Variants in ADGRG4 observed in about 807,000 individuals in gnomAD.
ADGRG4 encodes the protein adhesion G protein-coupled receptor G4.
ADGRG4 carries 122 observed loss-of-function variants against 126.2 expected under a neutral mutation model. That is an observed-to-expected ratio of 0.97 (90% CI 0.83 to 1.12). The LOEUF (loss-of-function observed/expected upper bound fraction) is 1.12, where lower values mean the gene tolerates loss of function less well. Among genes scored for constraint, ADGRG4 ranks in the 50% most tolerant of loss-of-function variants. The pLI, the probability that ADGRG4 is intolerant of heterozygous loss-of-function variation, is 0.00. For missense variants in ADGRG4, 2,481 were observed against 2,251.8 expected, an observed-to-expected ratio of 1.10 and a Z score of -2.06; for synonymous variants, 943 against 838.7, an observed-to-expected ratio of 1.12 and a Z score of -2.15.
chrX:136,333,138 G>T (rs1163907494), intron 5 of ADGRG4, among the ~76,000 whole-genome samples: 1 of 111,624 alleles, frequency 9.0e-6, no homozygotes, highest in Non-Finnish European at 1.9e-5. Context: ...CTAGCCATAT[G>T]TAGAAAGCTG....
rs757107875 is a variant in ADGRG4, at chrX:136,395,388, A to C, written c.8081-2A>C. On this transcript the variant is annotated splice_acceptor_variant, in intron 18 of 25. Coordinates refer to ENST00000394143, the MANE Select transcript of ADGRG4 (RefSeq NM_153834.4). LOFTEE classifies it high-confidence loss of function. Reference sequence around the variant, plus strand: ...TTTGAAATTTCCTTCTGTCTCCTACAGATGGGCTGGGTGGATGGAATTCGT... The same window carrying C: ...TTTGAAATTTCCTTCTGTCTCCTACCGATGGGCTGGGTGGATGGAATTCGT... 26 of 1,173,311 alleles carry C rather than the reference A, an allele frequency of 2.2e-5. No individual in the cohort carries two copies. The highest frequency in any genetic ancestry group is 2.9e-5 in the Non-Finnish European group (25 of 863,262).
At chrX:136,374,385 AGGAAT>A (rs751319853) in intron 15 of ADGRG4, among the ~76,000 whole-genome samples, 5 of 111,328 alleles carry the variant, frequency 4.5e-5, no homozygotes, top group Non-Finnish European at 9.4e-5. Context: ...ATAAATACCT[AGGAAT>A]GGAATTGCTG....
Position 136,412,311 on chromosome X carries a change from G to A in ADGRG4, c.8982G>A (p.Arg2994=). The A allele has an allele frequency of 8.3e-7, 1 of 1,204,739 alleles. No individual in the cohort carries two copies. Among genetic ancestry groups the A allele is most frequent in the South Asian group, 1.8e-5 (1 of 56,785 alleles). The change falls in exon 24 of 26, where the codon CGG becomes CGA. Residue 2994 remains arginine (R), a synonymous_variant. Coordinates refer to ENST00000394143, the MANE Select transcript of ADGRG4 (RefSeq NM_153834.4). ...ACTGTGTGATGAAGGAGAGTGTGCG[G>A]GAGCAGTGGCAGATACACCTCTGCT... ...VFHCVMKESV[R]EQWQIHLCCG...
At chrX:136,318,596 C>T (rs1161078938) in intron 4 of ADGRG4, among the ~76,000 whole-genome samples, 1 of 111,613 alleles carries the variant, frequency 9.0e-6, no homozygotes, top group Non-Finnish European at 1.9e-5. Context: ...AGGGTAGTAA[C>T]AGCCATTTAA....
rs774881230 is a variant in ADGRG4, at chrX:136,359,409, A to G, written c.7098A>G (p.Gln2366=). 64 of 1,206,599 alleles carry G rather than the reference A, an allele frequency of 5.3e-5. No individual in the cohort carries two copies. Among genetic ancestry groups the G allele is most frequent in the Non-Finnish European group, 6.8e-5 (61 of 893,588 alleles). ...CACATGGAAACTTCACACAAGATCA[A>G]TTGACGTTATTAGTAAACTGTGAAC... ...NFTHGNFTQD[Q]LTLLVNCEHV... Residue 2366 remains glutamine, a synonymous_variant, in exon 11 of 26, where the codon CAA becomes CAG. Coordinates refer to ENST00000394143, the MANE Select transcript of ADGRG4 (RefSeq NM_153834.4).
At chrX:136,402,408 T>C (rs2075383994) in intron 21 of ADGRG4, among the ~76,000 whole-genome samples, 1 of 111,085 alleles carries the variant, frequency 9.0e-6, no homozygotes, top group Non-Finnish European at 1.9e-5. Flanking sequence ...TCTGCAGCAT[T>C]CTAGGTGCTG....
chrX:136,350,142 C>A lies in ADGRG4; in HGVS notation c.6436C>A (p.Pro2146Thr). 1 of 1,209,729 alleles carries A rather than the reference C, an allele frequency of 8.3e-7. No homozygotes were observed. Residue 2146 changes from proline (P) to threonine (T), a missense_variant, in exon 6 of 26, where the codon CCT (proline) becomes ACT (threonine). Coordinates refer to ENST00000394143, the MANE Select transcript of ADGRG4 (RefSeq NM_153834.4). ...TDHTLSVGAM[P>T]LPSSTITSSW... ...CCACACTCTATCTGTTGGTGCCATG[C>A]CTCTGCCTAGCTCTACAATAACATC...
intron 15 of ADGRG4, among the ~76,000 whole-genome samples, chrX:136,379,039 G>A: frequency 8.9e-6 from 1 of 111,767 alleles, no homozygotes; most frequent in East Asian, 2.8e-4. Context: ...TCTACTTTCA[G>A]AAAGAGTTTG....
At chrX:136,361,777 A>G (rs774135601) in intron 12 of ADGRG4, among the ~76,000 whole-genome samples, 190 bp downstream of exon 12, 133 of 112,189 alleles carry the variant, frequency 1.2e-3, no homozygotes, top group South Asian at 2.2e-3. Flanking sequence ...CAAGGAGACA[A>G]AAGATAAAAG....
chrX:136,401,710 G>T (rs1455117566), intron 21 of ADGRG4, among the ~76,000 whole-genome samples: 1 of 112,277 alleles, frequency 8.9e-6, no homozygotes, highest in Non-Finnish European at 1.9e-5. Flanking sequence ...AAAGGGAATG[G>T]ATGACCGCCA....
At chrX:136,379,687 C>A (rs757620626) in intron 15 of ADGRG4, among the ~76,000 whole-genome samples, 2 of 110,185 alleles carry the variant, frequency 1.8e-5, no homozygotes, top group African/African-American at 6.6e-5. Flanking sequence ...CAACTCTCAC[C>A]ACCATATGTC....
Position 136,416,786 on chromosome X carries a change from G to A in ADGRG4, c.*295G>A, listed in dbSNP as rs2075477928. ...CCTCCCAACCCCTGATTGGGGAAAA[G>A]GTTGAATTTGTGAAACAATCTGCTC... is the stretch of plus-strand genomic sequence containing the variant. On this transcript the variant is annotated 3_prime_UTR_variant, in exon 26 of 26. Coordinates refer to ENST00000394143, the MANE Select transcript of ADGRG4 (RefSeq NM_153834.4). The A allele has an allele frequency of 5.0e-6, 1 of 198,607 alleles. No individual in the cohort carries two copies. The highest frequency in any genetic ancestry group is 2.9e-5 in the African/African-American group (1 of 34,156). The allele number at this position is 198,607 out of a possible 1,213,427, so 16.4% of individuals were successfully genotyped here. A position where few individuals can be genotyped will look rare whatever the true frequency, so the allele number is the denominator to read the frequency against.
chrX:136,395,264 C>A lies in ADGRG4; in HGVS notation c.8081-126C>A, dbSNP rs145515727. 1.2e-3 allele frequency: 515 copies of A among 418,789 alleles called. 1 individual carries two copies. The highest frequency in any genetic ancestry group is 0.012 in the African/African-American group (480 of 39,317). 34.5% of individuals were successfully genotyped at this position (418,789 alleles called of 1,213,427 possible). A position where few individuals can be genotyped will look rare whatever the true frequency, so the allele number is the denominator to read the frequency against. ...ATTTAATTTCAGTGTTCAATTATACCCCTAATCTTGCTATCTCAGCAAATA... is the reference window on the plus strand; with the variant it reads ...ATTTAATTTCAGTGTTCAATTATACACCTAATCTTGCTATCTCAGCAAATA... On this transcript the variant is annotated intron_variant, in intron 18 of 25. Transcript: ENST00000394143.
At position 136,345,374 on chromosome X, in the gene ADGRG4, C is replaced by G; in HGVS notation, c.1668C>G (p.Thr556=). The G allele has an allele frequency of 3.3e-6, 4 of 1,210,515 alleles. No homozygotes were observed. The highest frequency in any genetic ancestry group is 4.5e-6 in the Non-Finnish European group (4 of 894,719). Residue 556 remains threonine (T), a synonymous_variant, in exon 6 of 26, where the codon ACC becomes ACG. Transcript: ENST00000394143. Reference sequence around the variant, plus strand: ...TGTCGAAAGAGACCTCCTCTAAGACCTTTTCTTTCTTAACATCCTTTTCAT... The same window carrying G: ...TGTCGAAAGAGACCTCCTCTAAGACGTTTTCTTTCTTAACATCCTTTTCAT... ...TSMSKETSSK[T]FSFLTSFSFT... is the part of the protein sequence containing the mutation.
At chrX:136,394,213 A>G (rs950589506) in intron 18 of ADGRG4, among the ~76,000 whole-genome samples, 10 of 111,946 alleles carry the variant, frequency 8.9e-5, no homozygotes, top group Non-Finnish European at 1.5e-4. Flanking sequence ...ACTTGCTTGA[A>G]TAAGCATGAG....
chrX:136,399,472 A>G (rs1428859501), intron 20 of ADGRG4, among the ~76,000 whole-genome samples: 2 of 111,073 alleles, frequency 1.8e-5, no homozygotes, highest in Non-Finnish European at 1.9e-5. Flanking sequence ...CTTTAGAACT[A>G]TCCAAGTAGC....
intron 5 of ADGRG4, among the ~76,000 whole-genome samples, chrX:136,324,611 A>G (rs1436611061): frequency 1.8e-5 from 2 of 111,779 alleles, no homozygotes; most frequent in African/African-American, 6.5e-5. Context: ...ACATGAACTC[A>G]TGGATTCTCA....
intron 6 of ADGRG4, among the ~76,000 whole-genome samples, chrX:136,350,829 A>G (rs1381300642): frequency 7.2e-5 from 8 of 110,808 alleles, no homozygotes; most frequent in Non-Finnish European, 1.5e-4. Flanking sequence ...AAAACACCAG[A>G]AAAAAACACC....
Position 136,345,510 on chromosome X carries a change from A to T in ADGRG4, c.1804A>T (p.Thr602Ser), listed in dbSNP as rs751367953. Residue 602 changes from threonine (T) to serine (S), a missense_variant, in exon 6 of 26, where the codon ACA (threonine) becomes TCA (serine). Coordinates refer to ENST00000394143, the MANE Select transcript of ADGRG4 (RefSeq NM_153834.4). ...AGTGGCTGAAACTATGCTTTCCTCC[A>T]CAATCACAGGACGAGTTTACACCCA... Reference protein sequence around the residue: ...STVAETMLSSTITGRVYTQNT... With the variant: ...STVAETMLSSSITGRVYTQNT... The T allele has an allele frequency of 7.4e-6, 9 of 1,210,952 alleles. No individual in the cohort carries two copies. In the East Asian group the frequency reaches 2.7e-4, roughly 36 times the overall value.
Sources: allele counts gnomAD v4.1 joint callset (sites outside exome capture counted in the v4.1 genomes callset), GRCh38; gene constraint gnomAD v4.1.1; transcripts MANE v1.5; gene names NCBI Gene and HGNC (gene_info 2026-07-23, HGNC 2026-07-21).